Variants in COL6A6 observed in about 807,000 individuals in gnomAD.
The protein encoded by COL6A6 is collagen type VI alpha 6 chain, also known as collagen alpha-6(VI) chain.
A neutral mutation model predicts 208.6 loss-of-function variants in COL6A6; 183 were observed. The ratio of observed to expected loss-of-function variants is 0.88; its 90% confidence interval spans 0.78 to 0.99. The LOEUF is 0.99. Among genes scored for constraint, COL6A6 ranks in the 50% least tolerant of loss-of-function variants. The pLI, the probability that COL6A6 is intolerant of heterozygous loss-of-function variation, is 0.00. For missense variants in COL6A6, 2,816 were observed against 2,815.2 expected, an observed-to-expected ratio of 1.00 and a Z score of -0.01; for synonymous variants, 973 against 1,011.8, an observed-to-expected ratio of 0.96 and a Z score of 0.73.
At chr3:130,552,070 A>G (rs1385129014) in intron 1 of COL6A6, among the ~76,000 whole-genome samples, 4 of 152,090 alleles carry the variant, frequency 2.6e-5, no homozygotes, top group African/African-American at 9.7e-5. Flanking sequence ...TGTCTGGTTG[A>G]TTTTAGAGTA....
At chr3:130,621,951 T>C in intron 24 of COL6A6, 68 bp downstream of exon 24, 2 of 1,329,362 alleles carry the variant, frequency 1.5e-6, no homozygotes, top group South Asian at 2.4e-5. Flanking sequence ...TCTAATTGTA[T>C]TAGCCAGGGC....
At chr3:130,618,960 T>G (rs1241618420) in intron 23 of COL6A6, among the ~76,000 whole-genome samples, 1 of 152,188 alleles carries the variant, frequency 6.6e-6, no homozygotes, top group African/African-American at 2.4e-5. Flanking sequence ...AATTTATACA[T>G]TGCTTTTCAG....
At chr3:130,530,857 G>A (rs2062063798) in intron 1 of COL6A6, among the ~76,000 whole-genome samples, 1 of 152,186 alleles carries the variant, frequency 6.6e-6, no homozygotes, top group African/African-American at 2.4e-5. Flanking sequence ...CCCTGAGGGA[G>A]AAGAAATTCT....
At chr3:130,519,940 G>C (rs1031122082) in intron 1 of COL6A6, among the ~76,000 whole-genome samples, 2 of 152,196 alleles carry the variant, frequency 1.3e-5, no homozygotes, top group Non-Finnish European at 2.9e-5. Flanking sequence ...TAACAGGAAC[G>C]AATGATCCGC....
chr3:130,581,245 C>T (rs1362768435), intron 8 of COL6A6, among the ~76,000 whole-genome samples: 2 of 152,128 alleles, frequency 1.3e-5, no homozygotes, highest in Admixed American at 1.3e-4. Flanking sequence ...AGACTAATGA[C>T]ATTTCCACAG....
intron 36 of COL6A6, among the ~76,000 whole-genome samples, chr3:130,673,010 CAAA>C (rs57517362): frequency 1.0e-5 from 1 of 96,328 alleles, no homozygotes; most frequent in Non-Finnish European, 2.1e-5. Context: ...GACACCATCT[CAAA>C]AAAAAAAAAA....
chr3:130,548,838 G>A (rs981174411), intron 1 of COL6A6, among the ~76,000 whole-genome samples: 1 of 152,184 alleles, frequency 6.6e-6, no homozygotes, highest in Non-Finnish European at 1.5e-5. Flanking sequence ...TTTCTTTTCT[G>A]GTAAGTTGTG....
intron 4 of COL6A6, among the ~76,000 whole-genome samples, chr3:130,566,402 T>G (rs899834731): frequency 6.6e-6 from 1 of 152,202 alleles, no homozygotes; most frequent in Admixed American, 6.5e-5. Flanking sequence ...AAGCAGTTAT[T>G]TACTAATGGG....
chr3:130,642,239 TTA>T (rs1338988260), intron 29 of COL6A6, among the ~76,000 whole-genome samples: 69 of 115,606 alleles, frequency 6.0e-4, no homozygotes, highest in African/African-American at 5.0e-4. Flanking sequence ...CTCTGACAGA[TTA>T]TATGTGTGTG....
chr3:130,655,654 T>C (rs2065767414), intron 33 of COL6A6, among the ~76,000 whole-genome samples: 1 of 152,214 alleles, frequency 6.6e-6, no homozygotes, highest in African/African-American at 2.4e-5. Flanking sequence ...TTGGATCCCA[T>C]TTGTGATACC....
In COL6A6 at chr3:130,590,299, A is replaced by ATTTT. The variant is rs71133610; in HGVS notation, c.4219-715_4219-712dup. Among the ~76,000 whole-genome samples, 21 of 9,174 alleles carry ATTTT rather than the reference A, an allele frequency of 2.3e-3. 2 individuals carry two copies. The highest frequency in any genetic ancestry group is 3.9e-3 in the Non-Finnish European group (18 of 4,646). The allele number at this position is 9,174 out of a possible 152,430, so 6.0% of individuals were successfully genotyped here. A position where few individuals can be genotyped will look rare whatever the true frequency, so the allele number is the denominator to read the frequency against. On this transcript the variant is annotated intron_variant, in intron 12 of 36. Transcript: ENST00000358511. ...TATATATATATATATATATATATAT[A>ATTTT]TTTTTTTTTTTTTTTTTTTTTTTTT...
At chr3:130,640,834 T>C (rs1383413092) in intron 28 of COL6A6, among the ~76,000 whole-genome samples, 1 of 152,222 alleles carries the variant, frequency 6.6e-6, no homozygotes, top group Non-Finnish European at 1.5e-5. Context: ...TAAAAGTTTT[T>C]GTATTTCAAT....
intron 33 of COL6A6, among the ~76,000 whole-genome samples, chr3:130,655,726 T>C (rs2065769849): frequency 6.6e-6 from 1 of 152,240 alleles, no homozygotes; most frequent in South Asian, 2.1e-4. Context: ...AAGAGCTATT[T>C]GTAAATCTGT....
chr3:130,519,409 G>A (rs1260840005), intron 1 of COL6A6, among the ~76,000 whole-genome samples: 1 of 152,184 alleles, frequency 6.6e-6, no homozygotes, highest in Non-Finnish European at 1.5e-5. Flanking sequence ...ATTATGTGTT[G>A]TAATCTAAGA....
chr3:130,623,577 T>C (rs2064800859), intron 24 of COL6A6, among the ~76,000 whole-genome samples: 1 of 152,196 alleles, frequency 6.6e-6, no homozygotes, highest in South Asian at 2.1e-4. Flanking sequence ...ACTTAACTTG[T>C]GATGATTCCA....
Position 130,566,700 on chromosome 3 carries a change from A to G in COL6A6, c.1283-2A>G, listed in dbSNP as rs1450304873. 4 of 1,588,536 alleles carry G rather than the reference A, an allele frequency of 2.5e-6. No homozygotes were observed. In the African/African-American group the frequency reaches 4.1e-5, roughly 16 times the overall value. The stretch of plus-strand genomic sequence containing the variant: ...ACATGCAACTTATTGATTCCTTTTT[A>G]GGTTGTGTGGACACTGAGGAAGCAG... On this transcript the variant is annotated splice_acceptor_variant, in intron 4 of 36. Transcript: ENST00000358511. LOFTEE classifies it high-confidence loss of function.
intron 15 of COL6A6, 122 bp from the exon 16 acceptor site, chr3:130,592,939 A>G: frequency 1.1e-6 from 1 of 939,264 alleles, no homozygotes; most frequent in South Asian, 1.6e-5. Flanking sequence ...AATATTAATA[A>G]CCCAGGCCCA....
intron 1 of COL6A6, among the ~76,000 whole-genome samples, chr3:130,542,620 T>C (rs1284711649): frequency 6.6e-6 from 1 of 152,200 alleles, no homozygotes; most frequent in Non-Finnish European, 1.5e-5. Context: ...GATAGAGGGG[T>C]ATTGAAGTCT....
intron 34 of COL6A6, among the ~76,000 whole-genome samples, chr3:130,660,157 T>C (rs1389666703): frequency 6.6e-6 from 1 of 152,216 alleles, no homozygotes; most frequent in Non-Finnish European, 1.5e-5. Flanking sequence ...TAAACCCTTG[T>C]TTTGTCTCTT....
Sources: allele counts gnomAD v4.1 joint callset (sites outside exome capture counted in the v4.1 genomes callset), GRCh38; gene constraint gnomAD v4.1.1; transcripts MANE v1.5; gene names NCBI Gene and HGNC (gene_info 2026-07-23, HGNC 2026-07-21).